Variants in CIT observed in about 807,000 individuals in gnomAD.
CIT encodes citron Rho-interacting kinase.
In CIT, 79 loss-of-function variants were observed where a neutral mutation model predicts 272.7. That is an observed-to-expected ratio of 0.29 (90% CI 0.24 to 0.35). CIT has a LOEUF of 0.35. Ranked by LOEUF, CIT falls within the 10% of genes least tolerant of loss-of-function variation. The pLI, the probability that CIT is intolerant of heterozygous loss-of-function variation, is 1.00. For missense variants in CIT, 1,909 were observed against 2,618.3 expected (o/e 0.73, Z 5.91); for synonymous variants, 948 against 995.6 (o/e 0.95, Z 0.90).
chr12:119,796,866 T>C (rs2137821869), intron 10 of CIT, among the ~76,000 whole-genome samples: 1 of 152,324 alleles, frequency 6.6e-6, no homozygotes, highest in East Asian at 1.9e-4. Flanking sequence ...AAGTAGAACG[T>C]TGTCTCGAAG....
rs368371829 is a variant in CIT at position 119,869,238 on chromosome 12, T to C, written c.97-37A>G. 7.6e-6 allele frequency: 12 copies of C among 1,571,138 alleles called. No homozygotes were observed. The South Asian group carries it at 1.3e-4, about 17-fold the overall frequency. Reference sequence around the variant, plus strand: ...AAACAGCAGATGGAGACACTGTCAATAATGAAAAGCTTTGATCAATAACAT... The same window carrying C: ...AAACAGCAGATGGAGACACTGTCAACAATGAAAAGCTTTGATCAATAACAT... On this transcript the variant is annotated intron_variant, in intron 2 of 47. Coordinates refer to ENST00000392521, the MANE Select transcript of CIT (RefSeq NM_001206999.2).
In CIT at chr12:119,689,115, G is replaced by A. The variant is rs138403917; in HGVS notation, c.6187-860C>T. On this transcript the variant is annotated intron_variant, in intron 47 of 47. Transcript: ENST00000392521. ...GATCACTTGAGCCCAGAAGTTCAAG[G>A]CCGTGGTGAGCTATGATCACACCAC... Among the ~76,000 whole-genome samples, 217 of 152,178 alleles carry A rather than the reference G, an allele frequency of 1.4e-3. 1 individual carries two copies. Among genetic ancestry groups the A allele is most frequent in the Admixed American group, 3.1e-3 (47 of 15,290 alleles).
intron 44 of CIT, among the ~76,000 whole-genome samples, chr12:119,700,467 C>G (rs949225563): frequency 1.3e-5 from 2 of 152,192 alleles, no homozygotes; most frequent in Non-Finnish European, 2.9e-5. Flanking sequence ...ACTGCAACCT[C>G]CGCCTCCTGG....
In CIT at chr12:119,854,904, C is replaced by G. The variant is rs149247848; in HGVS notation, c.414+2619G>C. On this transcript the variant is annotated intron_variant, in intron 4 of 47. Transcript: ENST00000392521. ...AGGCGGGGTTGCAGTGAGCCGAGAT[C>G]GTGCCACTGCACCTCTAGCCTGGGC... 6.5e-3 allele frequency among the ~76,000 whole-genome samples: 981 copies of G among 152,070 alleles called. 5 individuals are homozygous for G. Among genetic ancestry groups the G allele is most frequent in the Non-Finnish European group, 0.011 (766 of 67,972 alleles).
chr12:119,783,394 C>T (rs1317096678), intron 12 of CIT: 3 of 152,452 alleles, frequency 2.0e-5, no homozygotes, highest in Non-Finnish European at 4.4e-5. Context: ...AGAAGACAGT[C>T]TACTCTTGTG....
rs892709511 is a variant in CIT at position 119,713,097 on chromosome 12, C to T, written c.4579+106G>A. On this transcript the variant is annotated intron_variant, in intron 35 of 47. Transcript: ENST00000392521. The surrounding 1 kb of genome is among the most constrained non-coding windows in gnomAD (Gnocchi z 5.2). Reference sequence around the variant, plus strand: ...TTTGTAAGTTTCAAAAATGGAAAAGCGTAGAAGGCTTGCAAGGCAGTCCAA... The same window carrying T: ...TTTGTAAGTTTCAAAAATGGAAAAGTGTAGAAGGCTTGCAAGGCAGTCCAA... The T allele has an allele frequency of 2.9e-5, 23 of 804,546 alleles. No individual in the cohort carries two copies. The highest frequency in any genetic ancestry group is 1.8e-4 in the South Asian group (11 of 60,688). 49.8% of individuals were successfully genotyped at this position (804,546 alleles called of 1,614,324 possible). A position where few individuals can be genotyped will look rare whatever the true frequency, so the allele number is the denominator to read the frequency against.
chr12:119,786,423 G>T (rs1342334907), intron 10 of CIT, among the ~76,000 whole-genome samples: 1 of 152,222 alleles, frequency 6.6e-6, no homozygotes, highest in Non-Finnish European at 1.5e-5. Context: ...ATGAGAGAGA[G>T]ATTCCAGGAC....
At chr12:119,875,459 G>C (rs1440502913) in intron 2 of CIT, among the ~76,000 whole-genome samples, 1 of 152,142 alleles carries the variant, frequency 6.6e-6, no homozygotes, top group Non-Finnish European at 1.5e-5. Context: ...ACTCTAAATA[G>C]AGGGCCAGGT....
chr12:119,717,419 C>CTTTT (rs60611060), intron 32 of CIT, among the ~76,000 whole-genome samples: 27 of 54,244 alleles, frequency 5.0e-4, no homozygotes, highest in South Asian at 1.3e-3. Flanking sequence ...CTTTTCTTTT[C>CTTTT]TTTTTTTTTT....
intron 22 of CIT, among the ~76,000 whole-genome samples, chr12:119,756,167 G>A (rs938778676): frequency 4.6e-5 from 7 of 152,292 alleles, no homozygotes; most frequent in South Asian, 4.2e-4. Context: ...GAGTGGAGGT[G>A]GAATTCTAAC....
chr12:119,818,156 C>T (rs187876169), intron 9 of CIT, among the ~76,000 whole-genome samples: 309 of 152,220 alleles, frequency 2.0e-3, no homozygotes, highest in African/African-American at 6.9e-3. Context: ...GCCAAGTTAC[C>T]ACAGTAACCA....
rs76850358 is a variant in CIT at position 119,700,874 on chromosome 12, G to C, written c.5543-49C>G. ...GGCATTAGCACAGCCAAGAGCAGGG[G>C]CATCAGCGACACACATGGTGATGGA... On this transcript the variant is annotated intron_variant, in intron 43 of 47. Coordinates refer to ENST00000392521, the MANE Select transcript of CIT (RefSeq NM_001206999.2). 7,850 of 1,454,254 alleles carry C rather than the reference G, an allele frequency of 5.4e-3. 322 individuals carry two copies. The African/African-American group carries it at 0.091, about 17-fold the overall frequency. 90.1% of individuals were successfully genotyped at this position (1,454,254 alleles called of 1,614,324 possible). A position where few individuals can be genotyped will look rare whatever the true frequency, so the allele number is the denominator to read the frequency against.
chr12:119,801,319 C>A (rs1223725027), intron 10 of CIT, among the ~76,000 whole-genome samples: 2 of 152,114 alleles, frequency 1.3e-5, no homozygotes, highest in East Asian at 3.9e-4. Flanking sequence ...AGTGCCTCAG[C>A]CTTAATACTG....
In CIT at chr12:119,734,209, C is replaced by A; in HGVS notation, c.3305G>T (p.Arg1102Leu). ...CAGCATTCTCTGCAGCTCTCGAACC[C>A]GACACTCAAACTGGGATTTCTCATC... ...LGDEKSQFEC[R>L]VRELQRMLDT... The change falls in exon 26 of 48, where the codon CGG (arginine) becomes CTG (leucine). Residue 1102 changes from arginine to leucine, a missense_variant. This residue lies in a region of CIT where 530 missense variants were observed against 822.4 expected (regional missense o/e 0.64). Transcript: ENST00000392521. The A allele has an allele frequency of 6.2e-7, 1 of 1,613,766 alleles. No individual in the cohort carries two copies. The highest frequency in any genetic ancestry group is 8.5e-7 in the Non-Finnish European group (1 of 1,179,968).
chr12:119,743,190 T>C (rs1374615872), intron 23 of CIT, among the ~76,000 whole-genome samples: 1 of 151,484 alleles, frequency 6.6e-6, no homozygotes, highest in East Asian at 1.9e-4. Flanking sequence ...TGATTAGAGA[T>C]TGGGACAAAT....
intron 28 of CIT, among the ~76,000 whole-genome samples, chr12:119,724,812 A>G (rs278103): frequency 0.85 from 128,396 of 151,466 alleles, 54,752 homozygotes; most frequent in African/African-American, 0.93. Context: ...GATAGCAGGC[A>G]CCTGTAGTCC....
intron 7 of CIT, among the ~76,000 whole-genome samples, chr12:119,828,400 CAT>C (rs1363656662): frequency 1.3e-5 from 2 of 152,058 alleles, no homozygotes; most frequent in Non-Finnish European, 2.9e-5. Context: ...CTGTTCAACA[CAT>C]AATCTCACAT....
At chr12:119,837,940 T>G (rs1246751244) in intron 5 of CIT, among the ~76,000 whole-genome samples, 2 of 152,066 alleles carry the variant, frequency 1.3e-5, no homozygotes, top group African/African-American at 4.8e-5. Context: ...TAAAATAGAC[T>G]CATCTAAATC....
In CIT at chr12:119,728,355, G is replaced by A. The variant is rs1366523486; in HGVS notation, c.3591+147C>T. 24 of 649,606 alleles carry A rather than the reference G, an allele frequency of 3.7e-5. No homozygotes were observed. In the East Asian group the frequency reaches 5.1e-4, roughly 14 times the overall value. 40.2% of individuals were successfully genotyped at this position (649,606 alleles called of 1,614,324 possible). On this transcript the variant is annotated intron_variant, in intron 28 of 47. Coordinates refer to ENST00000392521, the MANE Select transcript of CIT (RefSeq NM_001206999.2). This position sits in a 1 kb window ranked among gnomAD's most constrained non-coding sequence, Gnocchi z 4.3. The stretch of plus-strand genomic sequence containing the variant: ...CAGGGTGTTGATAGCTGGGGACACT[G>A]TGGGAGGAGGAGACAGGGAGTATGT...
Sources: allele counts gnomAD v4.1 joint callset (sites outside exome capture counted in the v4.1 genomes callset), GRCh38; gene constraint gnomAD v4.1.1; regional missense constraint gnomAD v4.1.1; non-coding constraint Gnocchi (gnomAD v3.1); transcripts MANE v1.5; gene names NCBI Gene and HGNC (gene_info 2026-07-23, HGNC 2026-07-21).